Variants in RGS5 observed in about 807,000 individuals in gnomAD.
RGS5 encodes regulator of G-protein signalling 5.
A neutral mutation model predicts 18.9 loss-of-function variants in RGS5; 20 were observed. The ratio of observed to expected loss-of-function variants is 1.06; its 90% CI spans 0.74 to 1.54. RGS5 has a LOEUF of 1.54. RGS5 is among the 40% of genes most tolerant of loss of function. The pLI is 0.00. For synonymous variants in RGS5, 57 were observed against 76.2 expected (o/e 0.75, Z 1.31); for missense variants, 201 against 211.8 (o/e 0.95, Z 0.32).
intron 2 of RGS5, among the ~76,000 whole-genome samples, chr1:163,240,852 G>C (rs765425896): frequency 6.6e-6 from 1 of 152,260 alleles, no homozygotes; most frequent in South Asian, 2.1e-4. Context: ...TTGAGGTCAT[G>C]GTTACCTGGG....
intron 1 of RGS5, chr1:163,319,048 C>A (rs916541054): frequency 6.6e-6 from 1 of 152,114 alleles, no homozygotes; most frequent in Non-Finnish European, 1.5e-5. Context: ...TCACCTATTC[C>A]TACCACATTA....
chr1:163,234,460 T>TA (rs1467320611), intron 2 of RGS5, among the ~76,000 whole-genome samples: 2 of 152,224 alleles, frequency 1.3e-5, no homozygotes, highest in African/African-American at 2.4e-5. Context: ...AATAGTGAAC[T>TA]AATGCTTTTT....
intron 1 of RGS5, among the ~76,000 whole-genome samples, chr1:163,312,842 A>G (rs1248435011): frequency 6.6e-6 from 1 of 152,234 alleles, no homozygotes. Context: ...AAGTGCATGT[A>G]TTCAATGAAT....
chr1:163,219,298 T>G (rs750241203), upstream of RGS5, among the ~76,000 whole-genome samples: 1 of 152,172 alleles, frequency 6.6e-6, no homozygotes, highest in Non-Finnish European at 1.5e-5. Context: ...TAAAAAAGCA[T>G]AGTTTAGTTT....
At chr1:163,256,814 C>A (rs890226099) in intron 2 of RGS5, among the ~76,000 whole-genome samples, 2 of 152,214 alleles carry the variant, frequency 1.3e-5, no homozygotes, top group African/African-American at 4.8e-5. Context: ...GTAAGTGTGT[C>A]TAAGAACACA....
At chr1:163,262,466 G>A (rs1476504790) in intron 2 of RGS5, among the ~76,000 whole-genome samples, 1 of 68,202 alleles carries the variant, frequency 1.5e-5, no homozygotes, top group Admixed American at 1.8e-4. Context: ...TTTCATCCAT[G>A]TCCCTACAAA....
chr1:163,303,652 G>A (rs964091686), intron 2 of RGS5, among the ~76,000 whole-genome samples: 7 of 152,132 alleles, frequency 4.6e-5, no homozygotes, highest in African/African-American at 1.7e-4. Context: ...TGTTTTTCTG[G>A]TATACAATCA....
At chr1:163,296,338 G>A (rs80127669) in intron 2 of RGS5, among the ~76,000 whole-genome samples, 1 of 152,070 alleles carries the variant, frequency 6.6e-6, no homozygotes, top group Non-Finnish European at 1.5e-5. Context: ...AACTGACCCC[G>A]AATTCTTCTA....
intron 2 of RGS5, among the ~76,000 whole-genome samples, chr1:163,249,830 A>C (rs1463704951): frequency 6.6e-6 from 1 of 152,232 alleles, no homozygotes; most frequent in Non-Finnish European, 1.5e-5. Context: ...AAATAAAATA[A>C]GATAAAATGG....
intron 2 of RGS5, among the ~76,000 whole-genome samples, chr1:163,264,070 AATC>A (rs1648518425): frequency 6.6e-6 from 1 of 152,114 alleles, no homozygotes; most frequent in African/African-American, 2.4e-5. Flanking sequence ...TCCTTTCTTT[AATC>A]ATTGCCTCAG....
chr1:163,234,925 T>C (rs1401176383), intron 2 of RGS5, among the ~76,000 whole-genome samples: 3 of 152,180 alleles, frequency 2.0e-5, no homozygotes, highest in African/African-American at 7.2e-5. Flanking sequence ...AGGAAACTGT[T>C]CCAAAAGATT....
At chr1:163,241,371 A>G (rs1397956408) in intron 2 of RGS5, among the ~76,000 whole-genome samples, 1 of 152,212 alleles carries the variant, frequency 6.6e-6, no homozygotes, top group African/African-American at 2.4e-5. Flanking sequence ...TGGTCTGAAC[A>G]TAGCTGGGAG....
intron 1 of RGS5, among the ~76,000 whole-genome samples, chr1:163,318,666 G>C (rs1321265103): frequency 6.6e-6 from 1 of 152,050 alleles, no homozygotes; most frequent in Non-Finnish European, 1.5e-5. Flanking sequence ...ACTATTTAAT[G>C]GGTAGGCAGA....
At chr1:163,268,581 T>C (rs1449895523) in intron 2 of RGS5, among the ~76,000 whole-genome samples, 4 of 152,106 alleles carry the variant, frequency 2.6e-5, no homozygotes, top group Non-Finnish European at 5.9e-5. Context: ...CCCAACTCTA[T>C]GTTTTATCAA....
intron 1 of RGS5, among the ~76,000 whole-genome samples, chr1:163,187,986 G>T (rs1557896882): frequency 6.6e-6 from 1 of 152,066 alleles, no homozygotes; most frequent in Non-Finnish European, 1.5e-5. Context: ...CTCAGCTGGT[G>T]TCCACTGCTT....
chr1:163,145,276 A>C lies in RGS5; in HGVS notation c.*2066T>G, dbSNP rs532578509. The C allele has an allele frequency of 7.9e-5, 12 of 152,190 alleles. No individual in the cohort carries two copies. Among genetic ancestry groups the C allele is most frequent in the Non-Finnish European group, 1.5e-4 (10 of 68,028 alleles). The allele number at this position is 152,190 out of a possible 1,614,324, so 9.4% of individuals were successfully genotyped here. On this transcript the variant is annotated 3_prime_UTR_variant, in exon 5 of 5. Transcript: ENST00000313961. ...ACATTTGGATATTGCAAATAATGTG[A>C]ATAAAATACTTGAATTTTAAATAAT...
intron 2 of RGS5, among the ~76,000 whole-genome samples, chr1:163,257,729 G>A (rs1277982690): frequency 1.3e-5 from 2 of 152,132 alleles, no homozygotes; most frequent in Non-Finnish European, 2.9e-5. Flanking sequence ...CTGGAATATT[G>A]TAACACAGCT....
At chr1:163,235,773 A>C (rs1449195930) in intron 2 of RGS5, among the ~76,000 whole-genome samples, 1 of 152,134 alleles carries the variant, frequency 6.6e-6, no homozygotes, top group Non-Finnish European at 1.5e-5. Flanking sequence ...CAACTCTCTT[A>C]CTTCTTAAAA....
At chr1:163,190,858 C>T (rs1659317094) in intron 1 of RGS5, among the ~76,000 whole-genome samples, 1 of 152,036 alleles carries the variant, frequency 6.6e-6, no homozygotes, top group African/African-American at 2.4e-5. Flanking sequence ...GAAGCCTAGC[C>T]CATTAAAGGG....
Sources: allele counts gnomAD v4.1 joint callset (sites outside exome capture counted in the v4.1 genomes callset), GRCh38; gene constraint gnomAD v4.1.1; transcripts MANE v1.5; gene names NCBI Gene and HGNC (gene_info 2026-07-23, HGNC 2026-07-21).